The following INSL6 variants were observed in gnomAD, a reference collection of about 807,000 sequenced individuals.
The protein encoded by INSL6 is insulin-like peptide INSL6.
A neutral mutation model predicts 9.4 loss-of-function variants in INSL6; 16 were observed. The ratio of observed to expected loss-of-function variants is 1.70; its 90% confidence interval spans 1.15 to 2.59. The LOEUF (loss-of-function observed/expected upper bound fraction) is 2.59, where lower values mean the gene tolerates loss of function less well. Ranked by LOEUF, INSL6 falls within the 30% of genes most tolerant of loss-of-function variation. The pLI is 0.00. For missense variants in INSL6, 391 were observed against 257.3 expected (o/e 1.52, Z -3.56); for synonymous variants, 154 against 96.9 (o/e 1.59, Z -3.46).
chr9:5,165,265 T>C (rs1825025528), intron 1 of INSL6, among the ~76,000 whole-genome samples: 1 of 152,338 alleles, frequency 6.6e-6, no homozygotes, highest in East Asian at 1.9e-4. Flanking sequence ...CAAGTTTTTG[T>C]GTGAACATAT....
chr9:5,068,168 C>T, the INSL6 span, among the ~76,000 whole-genome samples: 1 of 79,664 alleles, frequency 1.3e-5, no homozygotes, highest in Non-Finnish European at 2.2e-5. Context: ...CAAAAAAAAA[C>T]AACAACAAAA....
the INSL6 span, chr9:5,097,100 C>T: frequency 6.6e-6 from 1 of 152,120 alleles, no homozygotes; most frequent in African/African-American, 2.4e-5. Context: ...GTGGGTCTTA[C>T]CATCTTCTCA....
chr9:5,147,643 A>G (rs939443963), intron 2 of INSL6, among the ~76,000 whole-genome samples: 2 of 145,790 alleles, frequency 1.4e-5, no homozygotes, highest in Non-Finnish European at 3.0e-5. Flanking sequence ...GACCATCTTC[A>G]AATATATTTT....
At chr9:5,180,506 C>G (rs888992713) in intron 1 of INSL6, among the ~76,000 whole-genome samples, 2 of 152,088 alleles carry the variant, frequency 1.3e-5, no homozygotes, top group African/African-American at 2.4e-5. Context: ...TATTAATACC[C>G]TGGGAAAGGA....
the INSL6 span, among the ~76,000 whole-genome samples, chr9:5,106,102 C>G: frequency 2.6e-5 from 4 of 152,174 alleles, no homozygotes; most frequent in African/African-American, 9.7e-5. Flanking sequence ...GCAAAACAAA[C>G]TACCATTAGA....
intron 3 of INSL6, among the ~76,000 whole-genome samples, chr9:5,131,628 CAG>C (rs1824289607): frequency 6.6e-6 from 1 of 151,872 alleles, no homozygotes; most frequent in African/African-American, 2.4e-5. Context: ...CTAGTAGAGA[CAG>C]GGTTTCACCG....
At chr9:5,054,814 T>A in the INSL6 span, 1 of 1,612,768 alleles carries the variant, frequency 6.2e-7, no homozygotes, top group Non-Finnish European at 8.5e-7. The surrounding 1 kb of genome is among the most constrained non-coding windows in gnomAD (Gnocchi z 4.9). Flanking sequence ...GCAACCATTA[T>A]AATAACTGGA....
the INSL6 span, among the ~76,000 whole-genome samples, chr9:5,048,593 C>A: frequency 6.6e-6 from 1 of 152,034 alleles, no homozygotes; most frequent in African/African-American, 2.4e-5. Context: ...CTGTCTCCTA[C>A]CCTGAATTAA....
intron 3 of INSL6, among the ~76,000 whole-genome samples, chr9:5,129,501 G>T (rs760665887): frequency 6.6e-6 from 1 of 151,988 alleles, no homozygotes; most frequent in Non-Finnish European, 1.5e-5. Flanking sequence ...TATTTCTAAT[G>T]AAAGTTTCTC....
the INSL6 span, among the ~76,000 whole-genome samples, chr9:5,017,125 G>C: frequency 1.3e-5 from 2 of 152,178 alleles, no homozygotes; most frequent in Non-Finnish European, 2.9e-5. Context: ...TATGTTAATA[G>C]ATACCACAAA....
chr9:5,182,530 C>A (rs1825480510), intron 1 of INSL6, among the ~76,000 whole-genome samples: 1 of 152,048 alleles, frequency 6.6e-6, no homozygotes. Flanking sequence ...TTTACTCTAA[C>A]ATCCCAATCA....
intron 1 of INSL6, among the ~76,000 whole-genome samples, chr9:5,166,207 G>A (rs1825046961): frequency 6.6e-6 from 1 of 152,050 alleles, no homozygotes; most frequent in Admixed American, 6.6e-5. Flanking sequence ...GAAGATTTTT[G>A]TTTTTGTTTT....
chr9:5,009,867 C>A, the INSL6 span, among the ~76,000 whole-genome samples: 1 of 151,740 alleles, frequency 6.6e-6, no homozygotes, highest in Admixed American at 6.6e-5. Context: ...AACTCATAAG[C>A]TTAAGCCGTC....
the INSL6 span, among the ~76,000 whole-genome samples, chr9:5,101,278 G>A: frequency 3.9e-5 from 6 of 152,238 alleles, no homozygotes; most frequent in Non-Finnish European, 7.3e-5. Context: ...CCTGCTCACT[G>A]CTAGCACAGC....
At chr9:5,176,928 T>C (rs1253736190) in intron 1 of INSL6, among the ~76,000 whole-genome samples, 1 of 151,804 alleles carries the variant, frequency 6.6e-6, no homozygotes, top group Non-Finnish European at 1.5e-5. Context: ...TTACAATAGC[T>C]AAAGAAAAAA....
chr9:5,162,929 T>A (rs968783189), downstream of INSL6, among the ~76,000 whole-genome samples: 15 of 152,346 alleles, frequency 9.8e-5, no homozygotes, highest in African/African-American at 3.4e-4. Flanking sequence ...GGGTTCTGTT[T>A]TGCTCTAATT....
the INSL6 span, among the ~76,000 whole-genome samples, chr9:5,080,970 A>G: frequency 1.5e-5 from 2 of 135,696 alleles, no homozygotes; most frequent in Admixed American, 1.8e-4. Flanking sequence ...ATCTCGGCTC[A>G]CTGCAAGCTC....
At chr9:5,159,454 G>C (rs1053541408), downstream of INSL6, among the ~76,000 whole-genome samples, 2 of 151,518 alleles carry the variant, frequency 1.3e-5, no homozygotes, top group Non-Finnish European at 2.9e-5. Flanking sequence ...TAAAGGGATA[G>C]AAAAAGATTT....
chr9:5,086,107 C>A, the INSL6 span: 1 of 488,504 alleles, frequency 2.0e-6, no homozygotes. Flanking sequence ...TGAGCCTGCG[C>A]GGGCATCGGC....
Sources: allele counts gnomAD v4.1 joint callset (sites outside exome capture counted in the v4.1 genomes callset), GRCh38; gene constraint gnomAD v4.1.1; non-coding constraint Gnocchi (gnomAD v3.1); transcripts MANE v1.5; gene names NCBI Gene and HGNC (gene_info 2026-07-23, HGNC 2026-07-21).